GALNS: variants seen among roughly 807,000 people sequenced by gnomAD.
GALNS encodes the protein galactosamine (N-acetyl)-6-sulfatase.
In GALNS, 65 loss-of-function variants were observed where a neutral mutation model predicts 65.9. That is an observed-to-expected ratio of 0.99 (90% CI 0.81 to 1.21). The LOEUF (loss-of-function observed/expected upper bound fraction) is 1.21, where lower values mean the gene tolerates loss of function less well. Among genes scored for constraint, GALNS ranks in the 50% most tolerant of loss-of-function variants. The probability of loss-of-function intolerance (pLI) is 0.00; values close to 1 mark genes in which losing one functional copy is unlikely to be tolerated. For missense variants in GALNS, 776 were observed against 700.7 expected (o/e 1.11, Z -1.21); for synonymous variants, 346 against 288.9 (o/e 1.20, Z -2.00).
Position 88,849,718 on chromosome 16 carries a change from C to T in GALNS, c.121-6889G>A, listed in dbSNP as rs1237309955. 2.0e-5 allele frequency among the ~76,000 whole-genome samples: 3 copies of T among 152,146 alleles called. No homozygotes were observed. The East Asian group carries it at 5.8e-4, about 29-fold the overall frequency. ...AGATCCCAGGTGTGAGCCACCACGC[C>T]CAGCCCTGAGATGGTTTATTTTGAA... On this transcript the variant is annotated intron_variant, in intron 1 of 13. Coordinates refer to ENST00000268695, the MANE Select transcript of GALNS (RefSeq NM_000512.5).
chr16:88,815,332 G>C lies in GALNS; in HGVS notation c.1483-807C>G, dbSNP rs986753947. On this transcript the variant is annotated intron_variant, in intron 13 of 13. Transcript: ENST00000268695. Reference sequence around the variant, plus strand: ...CGGTCCTCCCAGGAGGGCCCACCCTGAGCTTCTCAACTCATCACCCTCTCC... The same window carrying C: ...CGGTCCTCCCAGGAGGGCCCACCCTCAGCTTCTCAACTCATCACCCTCTCC... 7 of 985,358 alleles carry C rather than the reference G, an allele frequency of 7.1e-6. No individual in the cohort carries two copies. In the African/African-American group the frequency reaches 1.2e-4, roughly 17 times the overall value. The allele number at this position is 985,358 out of a possible 1,614,324, so 61.0% of individuals were successfully genotyped here. A position where few individuals can be genotyped will look rare whatever the true frequency, so the allele number is the denominator to read the frequency against.
At chr16:88,837,816 G>C (rs898943421) in intron 4 of GALNS, 51 bp from the exon 5 acceptor site, 4 of 1,602,574 alleles carry the variant, frequency 2.5e-6, no homozygotes, top group Non-Finnish European at 3.4e-6. Context: ...GGGACACTCG[G>C]AAGTTCTGAG....
intron 7 of GALNS, 101 bp from the exon 8 acceptor site, chr16:88,835,453 T>C: frequency 2.0e-6 from 3 of 1,483,334 alleles, no homozygotes; most frequent in Non-Finnish European, 2.8e-6. Context: ...CATTAAATCA[T>C]AACTTCACAG....
intron 1 of GALNS, among the ~76,000 whole-genome samples, chr16:88,853,876 T>C (rs997099803): frequency 6.6e-6 from 1 of 152,166 alleles, no homozygotes; most frequent in Non-Finnish European, 1.5e-5. Context: ...CCAGCTGCTC[T>C]CACCCCTGAG....
At chr16:88,833,725 C>T (rs1482436590) in intron 8 of GALNS, among the ~76,000 whole-genome samples, 1 of 152,196 alleles carries the variant, frequency 6.6e-6, no homozygotes, top group Non-Finnish European at 1.5e-5. Context: ...GCTGGGATTA[C>T]AGGTGTGAGC....
chr16:88,855,589 G>A (rs183036835), intron 1 of GALNS: 9 of 660,336 alleles, frequency 1.4e-5, no homozygotes. Flanking sequence ...TCACCCCTGG[G>A]TGGGGAAATT....
rs769972095 is a variant in GALNS at position 88,818,057 on chromosome 16, C to A, written c.1432G>T (p.Ala478Ser). ...ITSVVQQHQE[A>S]LVPAQPQLNV... ...AGCTGGGGCTGCGCGGGGACCAAGGCCTCCTGGTGCTGCTGGACGACCGAG... is the reference window on the plus strand; with the variant it reads ...AGCTGGGGCTGCGCGGGGACCAAGGACTCCTGGTGCTGCTGGACGACCGAG... Residue 478 changes from alanine to serine, a missense_variant, in exon 13 of 14, where the codon GCC becomes TCC. Ala to Ser is a moderately conservative substitution (Grantham distance 99, BLOSUM62 1). Transcript: ENST00000268695. 1.3e-6 allele frequency: 2 copies of A among 1,581,700 alleles called. No individual in the cohort carries two copies. Among genetic ancestry groups the A allele is most frequent in the South Asian group, 2.3e-5 (2 of 87,076 alleles).
At chr16:88,841,998 C>T (rs1379195230) in intron 2 of GALNS, 27 bp from the exon 3 acceptor site, 1 of 1,599,248 alleles carries the variant, frequency 6.3e-7, no homozygotes. Flanking sequence ...GAAACAGAAA[C>T]TGGATAAGAA....
chr16:88,838,314 C>A (rs571019995), intron 4 of GALNS, among the ~76,000 whole-genome samples: 11 of 152,260 alleles, frequency 7.2e-5, no homozygotes, highest in African/African-American at 2.6e-4. Context: ...CGTGCGGGAG[C>A]CCCGGGGCCT....
At chr16:88,847,979 G>A (rs1567542511) in intron 1 of GALNS, among the ~76,000 whole-genome samples, 2 of 152,212 alleles carry the variant, frequency 1.3e-5, no homozygotes, top group South Asian at 2.1e-4. Flanking sequence ...TCAGCCACAC[G>A]TGGTCCCTCC....
At chr16:88,855,939 G>A (rs1302886077) in intron 1 of GALNS, 1 of 567,122 alleles carries the variant, frequency 1.8e-6, no homozygotes, top group Non-Finnish European at 3.2e-6. Context: ...GAGCACGGCG[G>A]GACAGGTGTA....
At chr16:88,814,978 C>T in intron 13 of GALNS, 3 of 946,852 alleles carry the variant, frequency 3.2e-6, no homozygotes, top group African/African-American at 3.5e-5. Context: ...GGTGATCCAC[C>T]TGCCTTGGCC....
intron 4 of GALNS, among the ~76,000 whole-genome samples, chr16:88,839,447 C>CA (rs1453572892): frequency 2.0e-5 from 3 of 152,258 alleles, no homozygotes; most frequent in Non-Finnish European, 4.4e-5. Flanking sequence ...GCCTGGCACT[C>CA]ACCAGCAGGT....
At chr16:88,836,372 A>C (rs12444543) in intron 5 of GALNS, 105 bp from the exon 6 acceptor site, 1 of 938,898 alleles carries the variant, frequency 1.1e-6, no homozygotes, top group Non-Finnish European at 1.7e-6. Flanking sequence ...AAAGAAGGCT[A>C]GGGCTGGGCG....
chr16:88,826,947 T>C (rs1176374620), intron 9 of GALNS, 109 bp from the exon 10 acceptor site: 1 of 1,294,814 alleles, frequency 7.7e-7, no homozygotes, highest in Non-Finnish European at 1.1e-6. Flanking sequence ...GGTCTACAGA[T>C]ATGCATACAT....
At chr16:88,843,215 A>G in intron 1 of GALNS, 2 of 1,316,284 alleles carry the variant, frequency 1.5e-6, no homozygotes, top group Non-Finnish European at 2.0e-6. Flanking sequence ...TTCAACATAA[A>G]TACACAGGCC....
chr16:88,840,790 G>C, intron 4 of GALNS: 2 of 619,128 alleles, frequency 3.2e-6, no homozygotes, highest in Admixed American at 4.9e-5. Context: ...CGTGGGACCA[G>C]CCTGGTGACC....
intron 4 of GALNS, 112 bp from the exon 5 acceptor site, chr16:88,837,877 A>G (rs747538357): frequency 4.5e-6 from 5 of 1,115,990 alleles, no homozygotes; most frequent in Non-Finnish European, 6.7e-6. Flanking sequence ...AGCACCCTCC[A>G]GCACTGAGTA....
intron 8 of GALNS, 46 bp from the exon 9 acceptor site, chr16:88,832,147 C>A (rs1180852412): frequency 6.6e-7 from 1 of 1,519,634 alleles, no homozygotes; most frequent in African/African-American, 1.4e-5. Flanking sequence ...CAGATGTCCC[C>A]AGGCCCTCCC....
Sources: allele counts gnomAD v4.1 joint callset (sites outside exome capture counted in the v4.1 genomes callset), GRCh38; gene constraint gnomAD v4.1.1; transcripts MANE v1.5; gene names NCBI Gene and HGNC (gene_info 2026-07-23, HGNC 2026-07-21).